The following GRIK1 variants were observed in gnomAD, a reference collection of about 807,000 sequenced individuals.
GRIK1 encodes glutamate ionotropic receptor kainate type subunit 1.
A neutral mutation model predicts 105.7 loss-of-function variants in GRIK1; 69 were observed. The observed-to-expected ratio is 0.65, with a 90% confidence interval of 0.54 to 0.80. The LOEUF (loss-of-function observed/expected upper bound fraction) is 0.80, where lower values mean the gene tolerates loss of function less well. GRIK1 is among the 30% of genes least tolerant of loss of function. The pLI, the probability that GRIK1 is intolerant of heterozygous loss-of-function variation, is 0.00. For missense variants in GRIK1, 1,109 were observed against 1,167.3 expected (o/e 0.95, Z 0.73); for synonymous variants, 438 against 431.3 (o/e 1.02, Z -0.19).
intron 1 of GRIK1, among the ~76,000 whole-genome samples, chr21:29,739,645 C>A (rs542887706): frequency 1.6e-4 from 24 of 152,190 alleles, no homozygotes; most frequent in African/African-American, 5.5e-4. Flanking sequence ...GTTCTTTTCT[C>A]CCCAAAAAAG....
chr21:29,831,870 C>T (rs532611124), intron 1 of GRIK1, among the ~76,000 whole-genome samples: 12 of 152,138 alleles, frequency 7.9e-5, no homozygotes, highest in Non-Finnish European at 1.8e-4. Context: ...CTCATTTCAA[C>T]ATTACCTCAA....
intron 1 of GRIK1, among the ~76,000 whole-genome samples, chr21:29,905,825 G>A (rs1395047256): frequency 3.3e-5 from 5 of 151,860 alleles, no homozygotes; most frequent in Non-Finnish European, 7.4e-5. Context: ...ACGGGATTTT[G>A]CCATGTTGGC....
chr21:29,596,438 T>A, intron 9 of GRIK1, 88 bp downstream of exon 9: 2 of 860,090 alleles, frequency 2.3e-6, no homozygotes, highest in Non-Finnish European at 4.1e-6. Context: ...GAGCTACAGG[T>A]CTGGTAACAT....
chr21:29,914,054 G>A (rs2070910851), intron 1 of GRIK1, among the ~76,000 whole-genome samples: 2 of 151,944 alleles, frequency 1.3e-5, no homozygotes, highest in African/African-American at 4.8e-5. Context: ...CTTGGCTATT[G>A]ATAGTTTAGG....
chr21:29,933,436 G>A (rs1192862339), intron 1 of GRIK1, among the ~76,000 whole-genome samples: 1 of 152,172 alleles, frequency 6.6e-6, no homozygotes, highest in Non-Finnish European at 1.5e-5. Context: ...ATTAAAATGT[G>A]AAAGACACTG....
intron 1 of GRIK1, among the ~76,000 whole-genome samples, chr21:29,885,670 C>T (rs1279279059): frequency 6.6e-6 from 1 of 152,082 alleles, no homozygotes; most frequent in African/African-American, 2.4e-5. Context: ...TGACTGCCTG[C>T]TGTAAATGCC....
chr21:29,888,603 T>A (rs1043498773), intron 1 of GRIK1, among the ~76,000 whole-genome samples: 4 of 152,106 alleles, frequency 2.6e-5, no homozygotes, highest in African/African-American at 9.7e-5. Flanking sequence ...TATTACAGAC[T>A]AGTCTATTTC....
chr21:29,596,075 G>C (rs1442776096), intron 9 of GRIK1: 4 of 263,848 alleles, frequency 1.5e-5, no homozygotes, highest in African/African-American at 9.0e-5. Context: ...ATATTTTGTG[G>C]TGGTGACATT....
intron 1 of GRIK1, among the ~76,000 whole-genome samples, chr21:29,850,519 A>G (rs2068272344): frequency 6.6e-6 from 1 of 152,182 alleles, no homozygotes; most frequent in Admixed American, 6.5e-5. Flanking sequence ...AACAAGGACA[A>G]CCACCACCAC....
At chr21:29,926,626 CTT>C (rs572376553) in intron 1 of GRIK1, among the ~76,000 whole-genome samples, 63 of 151,672 alleles carry the variant, frequency 4.2e-4, no homozygotes, top group African/African-American at 1.4e-3. Flanking sequence ...ATTTATGTAT[CTT>C]ATATAGTTTT....
intron 1 of GRIK1, among the ~76,000 whole-genome samples, chr21:29,772,400 C>T (rs998093708): frequency 6.6e-6 from 1 of 152,266 alleles, no homozygotes; most frequent in South Asian, 2.1e-4. Flanking sequence ...CCGTTTCCTG[C>T]CCTCTTGAAG....
intron 1 of GRIK1, among the ~76,000 whole-genome samples, chr21:29,844,310 G>A (rs985330590): frequency 2.0e-5 from 3 of 152,032 alleles, no homozygotes; most frequent in African/African-American, 4.8e-5. Flanking sequence ...AATATCTGAC[G>A]TCAGCTAACA....
chr21:29,763,388 G>C (rs1467282738), intron 1 of GRIK1, among the ~76,000 whole-genome samples: 2 of 152,108 alleles, frequency 1.3e-5, no homozygotes, highest in African/African-American at 4.8e-5. Flanking sequence ...CCCCATTCAG[G>C]CATTCTTTAC....
chr21:29,894,340 C>A (rs1222980691), intron 1 of GRIK1, among the ~76,000 whole-genome samples: 1 of 152,054 alleles, frequency 6.6e-6, no homozygotes, highest in African/African-American at 2.4e-5. Flanking sequence ...GTCAAAGGCC[C>A]AAGAGCCCCT....
intron 12 of GRIK1, among the ~76,000 whole-genome samples, chr21:29,584,930 G>T (rs2091098079): frequency 1.3e-5 from 2 of 152,158 alleles, no homozygotes; most frequent in South Asian, 4.1e-4. Flanking sequence ...GCTTTATGAA[G>T]CAGAAGCAGG....
intron 1 of GRIK1, among the ~76,000 whole-genome samples, chr21:29,776,610 T>C (rs1432689294): frequency 1.3e-5 from 2 of 152,212 alleles, no homozygotes; most frequent in African/African-American, 4.8e-5. Context: ...GGATGGTATT[T>C]ATTAACGGTG....
At chr21:29,738,997 T>C (rs1268140264) in intron 1 of GRIK1, among the ~76,000 whole-genome samples, 1 of 152,198 alleles carries the variant, frequency 6.6e-6, no homozygotes, top group East Asian at 1.9e-4. Context: ...TCATTTAAAA[T>C]ATTTATTGGC....
At chr21:29,603,316 G>A (rs1269833901) in intron 7 of GRIK1, among the ~76,000 whole-genome samples, 3 of 151,762 alleles carry the variant, frequency 2.0e-5, no homozygotes, top group Non-Finnish European at 4.4e-5. Context: ...TGGCAAACTA[G>A]ATGTTGCCCA....
chr21:29,775,275 CAAAAA>C lies in GRIK1; in HGVS notation c.119-81217_119-81213del, dbSNP rs66647707. Among the ~76,000 whole-genome samples, 3 of 74,718 alleles carry C rather than the reference CAAAAA, an allele frequency of 4.0e-5. No homozygotes were observed. In the East Asian group the frequency reaches 1.3e-3, roughly 31 times the overall value. 49.0% of individuals were successfully genotyped at this position (74,718 alleles called of 152,430 possible). The stretch of plus-strand genomic sequence containing the variant: ...TGGGCGACAGAGTGAGCCTCTGTCT[CAAAAA>C]AAAAAAAAAAAAAAAAAAGTCCACC... On this transcript the variant is annotated intron_variant, in intron 1 of 17. Transcript: ENST00000327783.
Sources: allele counts gnomAD v4.1 joint callset (sites outside exome capture counted in the v4.1 genomes callset), GRCh38; gene constraint gnomAD v4.1.1; transcripts MANE v1.5; gene names NCBI Gene and HGNC (gene_info 2026-07-23, HGNC 2026-07-21).